Variants in ORC4 observed in about 807,000 individuals in gnomAD.
ORC4 encodes origin recognition complex subunit 4.
ORC4 carries 55 observed loss-of-function variants against 63.9 expected under a neutral mutation model. The observed-to-expected ratio is 0.86, with a 90% CI of 0.69 to 1.08. ORC4 has a LOEUF of 1.08. ORC4 is among the 50% of genes least tolerant of loss of function. The probability of loss-of-function intolerance (pLI) is 0.00; values close to 1 mark genes in which losing one functional copy is unlikely to be tolerated. For synonymous variants in ORC4, 150 were observed against 168.5 expected (o/e 0.89, Z 0.85); for missense variants, 511 against 504.4 (o/e 1.01, Z -0.13).
At position 147,935,485 on chromosome 2, in the gene ORC4, C is replaced by T. The variant is rs769106675; in HGVS notation, c.*25G>A. On this transcript the variant is annotated 3_prime_UTR_variant, in exon 14 of 14. Coordinates refer to ENST00000392857, the MANE Select transcript of ORC4 (RefSeq NM_181741.4). ...TCTCTACAGAAGTATGAATGAAATGCCAAAGTTGAAGTCACTGGTTATATT... is the reference window on the plus strand; with the variant it reads ...TCTCTACAGAAGTATGAATGAAATGTCAAAGTTGAAGTCACTGGTTATATT... 4.4e-6 allele frequency: 7 copies of T among 1,580,538 alleles called. No individual in the cohort carries two copies. Among genetic ancestry groups the T allele is most frequent in the Non-Finnish European group, 5.2e-6 (6 of 1,149,814 alleles).
chr2:147,948,227 T>G lies in ORC4; in HGVS notation c.589-3A>C. On this transcript the variant is annotated splice_region_variant and splice_polypyrimidine_tract_variant and intron_variant, in intron 8 of 13. Transcript: ENST00000392857. ...TTTTCTAAGAGTTCCAAAATATCCT[T>G]AAAAACAAACAGAAATCTCTATAAG... 6.3e-7 allele frequency: 1 copy of G among 1,593,998 alleles called. No homozygotes were observed. The highest frequency in any genetic ancestry group is 8.6e-7 in the Non-Finnish European group (1 of 1,164,012).
intron 8 of ORC4, among the ~76,000 whole-genome samples, chr2:147,949,076 T>A (rs1160262348): frequency 7.7e-6 from 1 of 129,924 alleles, no homozygotes; most frequent in Non-Finnish European, 1.7e-5. Flanking sequence ...TAATATATAT[T>A]TATTACTTAA....
chr2:147,962,880 T>A (rs1689685624), intron 4 of ORC4, among the ~76,000 whole-genome samples: 1 of 152,006 alleles, frequency 6.6e-6, no homozygotes, highest in Non-Finnish European at 1.5e-5. Context: ...CCCAGAAGGT[T>A]ACCCCTGGCA....
At chr2:147,938,696 A>C (rs1420929607) in intron 11 of ORC4, 5 of 362,056 alleles carry the variant, frequency 1.4e-5, no homozygotes, top group African/African-American at 1.0e-4. Flanking sequence ...ATAAACTTCA[A>C]TTGTTATGTG....
At chr2:148,007,043 C>T (rs553109143) in intron 1 of ORC4, among the ~76,000 whole-genome samples, 39 of 152,350 alleles carry the variant, frequency 2.6e-4, no homozygotes, top group African/African-American at 9.4e-4. Flanking sequence ...CTGCAAGACT[C>T]ACAGCGTTCC....
Position 147,932,574 on chromosome 2 carries a change from G to C in ORC4, c.*2936C>G, listed in dbSNP as rs1456965764. The C allele has an allele frequency of 6.6e-6, 1 of 152,138 alleles. No homozygotes were observed. Among genetic ancestry groups the C allele is most frequent in the African/African-American group, 2.4e-5 (1 of 41,432 alleles). The allele number at this position is 152,138 out of a possible 1,614,324, so 9.4% of individuals were successfully genotyped here. A position where few individuals can be genotyped will look rare whatever the true frequency, so the allele number is the denominator to read the frequency against. On this transcript the variant is annotated 3_prime_UTR_variant, in exon 14 of 14. Coordinates refer to ENST00000392857, the MANE Select transcript of ORC4 (RefSeq NM_181741.4). The stretch of plus-strand genomic sequence containing the variant: ...CAGTGAGGCTTACACCTTGACAACT[G>C]CAAGAATGAGGATAGTGGTGAGTGA...
chr2:147,932,695 A>T lies in ORC4; in HGVS notation c.*2815T>A, dbSNP rs572752834. On this transcript the variant is annotated 3_prime_UTR_variant, in exon 14 of 14. Coordinates refer to ENST00000392857, the MANE Select transcript of ORC4 (RefSeq NM_181741.4). ...TGTGTTGGTCCTGCCAGTATTAGAA[A>T]CCAGAGGCTTGTTGGCATTGTGTCA... is the stretch of plus-strand genomic sequence containing the variant. The T allele has an allele frequency of 1.3e-5, 2 of 152,260 alleles. No individual in the cohort carries two copies. Among genetic ancestry groups the T allele is most frequent in the Admixed American group, 1.3e-4 (2 of 15,252 alleles). 9.4% of individuals were successfully genotyped at this position (152,260 alleles called of 1,614,324 possible).
At chr2:147,966,464 G>A (rs1213642423) in intron 4 of ORC4, among the ~76,000 whole-genome samples, 2 of 151,858 alleles carry the variant, frequency 1.3e-5, no homozygotes, top group African/African-American at 4.8e-5. Context: ...TGAAACAAAA[G>A]TTGCTTAGCT....
chr2:147,948,294 G>T, intron 8 of ORC4, 70 bp from the exon 9 acceptor site: 1 of 995,076 alleles, frequency 1.0e-6, no homozygotes, highest in Non-Finnish European at 1.6e-6. Flanking sequence ...CTGTACCAAT[G>T]TTAGAGGTAT....
At chr2:147,998,053 G>C (rs1692074977) in intron 1 of ORC4, among the ~76,000 whole-genome samples, 1 of 152,018 alleles carries the variant, frequency 6.6e-6, no homozygotes, top group African/African-American at 2.4e-5. Context: ...AATAGTTTTG[G>C]TATTTACTCA....
Position 147,972,885 on chromosome 2 carries a change from T to C in ORC4, c.135-56A>G, listed in dbSNP as rs2307398. 1.1e-3 allele frequency: 1,314 copies of C among 1,196,092 alleles called. 36 individuals carry two copies. In the East Asian group the frequency reaches 0.031, roughly 28 times the overall value. The allele number at this position is 1,196,092 out of a possible 1,614,324, so 74.1% of individuals were successfully genotyped here. A position where few individuals can be genotyped will look rare whatever the true frequency, so the allele number is the denominator to read the frequency against. On this transcript the variant is annotated intron_variant, in intron 3 of 13. Coordinates refer to ENST00000392857, the MANE Select transcript of ORC4 (RefSeq NM_181741.4). ...AAAATGAAGCTGGAATACTTTGTTA[T>C]GTTGTAGTTTTTAAAAGGCATATTT...
chr2:148,005,668 A>AC (rs1286097082), intron 1 of ORC4, among the ~76,000 whole-genome samples: 3 of 147,940 alleles, frequency 2.0e-5, no homozygotes, highest in Non-Finnish European at 4.5e-5. Flanking sequence ...AAAAAAAAAA[A>AC]AAAAAAAAAA....
chr2:147,947,519 A>C (rs1688726814), intron 9 of ORC4, among the ~76,000 whole-genome samples: 2 of 152,010 alleles, frequency 1.3e-5, no homozygotes, highest in South Asian at 4.1e-4. Flanking sequence ...CTTTGTATCT[A>C]AGACTCTCAA....
rs1239828309 is a variant in ORC4, at chr2:147,943,500, A to C, written c.785T>G (p.Val262Gly). The C allele has an allele frequency of 4.4e-6, 7 of 1,594,004 alleles. No individual in the cohort carries two copies. Among genetic ancestry groups the C allele is most frequent in the Non-Finnish European group, 6.0e-6 (7 of 1,163,028 alleles). The change falls in exon 10 of 14, where the codon GTG becomes GGG. Residue 262 changes from valine to glycine, a missense_variant. Physicochemically the swap from Val to Gly is moderately radical, Grantham distance 109. Coordinates refer to ENST00000392857, the MANE Select transcript of ORC4 (RefSeq NM_181741.4). ...NVQYLSEDRS[V>G]QEVLQKHFNI... is the part of the protein sequence containing the mutation. ...GAAATGCTTCTGTAGTACTTCTTGC[A>C]CACTTCTATCTTCTGAGAGATACTA...
chr2:148,020,066 GA>G (rs1366448864), intron 1 of ORC4, among the ~76,000 whole-genome samples: 1 of 152,052 alleles, frequency 6.6e-6, no homozygotes, highest in Non-Finnish European at 1.5e-5. Context: ...CCCTCTCCGA[GA>G]AAAAGCAAAG....
chr2:147,991,408 T>C (rs1691598902), intron 1 of ORC4, among the ~76,000 whole-genome samples: 1 of 152,196 alleles, frequency 6.6e-6, no homozygotes, highest in African/African-American at 2.4e-5. Context: ...GCCTTGATAT[T>C]CATGAATAAG....
chr2:147,960,717 T>A (rs2105320596), intron 4 of ORC4, among the ~76,000 whole-genome samples: 1 of 152,248 alleles, frequency 6.6e-6, no homozygotes, highest in South Asian at 2.1e-4. Context: ...CTACAGTAAA[T>A]TGCATGTGTA....
At chr2:147,944,276 A>G (rs748097316) in intron 9 of ORC4, among the ~76,000 whole-genome samples, 4 of 152,148 alleles carry the variant, frequency 2.6e-5, no homozygotes, top group Non-Finnish European at 5.9e-5. Flanking sequence ...ATGTGGTCAA[A>G]AAATGAATCT....
intron 1 of ORC4, among the ~76,000 whole-genome samples, chr2:147,999,244 A>G (rs1692156485): frequency 6.6e-6 from 1 of 152,176 alleles, no homozygotes; most frequent in Non-Finnish European, 1.5e-5. Flanking sequence ...ACAGGGTAAG[A>G]CAGAAGAAAT....
Sources: gnomAD v4.1 joint callset for allele counts (sites outside exome capture counted in the v4.1 genomes callset) on GRCh38, gnomAD v4.1.1 for gene constraint, MANE v1.5 for transcripts, NCBI Gene and HGNC (gene_info 2026-07-23, HGNC 2026-07-21) for gene names.